Variants in GUCY1A2 observed in about 807,000 individuals in gnomAD.
GUCY1A2 encodes the protein guanylate cyclase soluble subunit alpha-2.
In GUCY1A2, 27 loss-of-function variants were observed where a neutral mutation model predicts 63.5. The ratio of observed to expected loss-of-function variants is 0.43; its 90% CI spans 0.31 to 0.59. The LOEUF (loss-of-function observed/expected upper bound fraction) is 0.59, where lower values mean the gene tolerates loss of function less well. GUCY1A2 is among the 20% of genes least tolerant of loss of function. GUCY1A2 has a pLI of 0.11. For synonymous variants in GUCY1A2, 364 were observed against 343.5 expected (o/e 1.06, Z -0.66); for missense variants, 768 against 913.3 (o/e 0.84, Z 2.05).
intron 1 of GUCY1A2, among the ~76,000 whole-genome samples, chr11:107,011,997 A>C (rs1861752742): frequency 6.6e-6 from 1 of 152,112 alleles, no homozygotes; most frequent in South Asian, 2.1e-4. Flanking sequence ...TTTCACCTAC[A>C]ATTTTTCTAA....
intron 1 of GUCY1A2, among the ~76,000 whole-genome samples, chr11:106,997,625 C>T (rs993704733): frequency 7.1e-6 from 1 of 140,806 alleles, no homozygotes; most frequent in East Asian, 2.3e-4. Context: ...GAACCCCCCC[C>T]CCCCACCCGA....
At chr11:107,001,229 A>G (rs1436337428) in intron 1 of GUCY1A2, among the ~76,000 whole-genome samples, 4 of 152,228 alleles carry the variant, frequency 2.6e-5, no homozygotes, top group African/African-American at 7.2e-5. Context: ...ATATAGAATT[A>G]TAAGTATTTT....
chr11:106,889,518 A>C (rs1396930307), intron 4 of GUCY1A2, among the ~76,000 whole-genome samples: 2 of 152,226 alleles, frequency 1.3e-5, no homozygotes, highest in African/African-American at 4.8e-5. Context: ...ACAGCAAGGA[A>C]AAATCCAGTG....
At chr11:106,802,253 T>C (rs1858614458) in intron 5 of GUCY1A2, among the ~76,000 whole-genome samples, 1 of 152,146 alleles carries the variant, frequency 6.6e-6, no homozygotes. Flanking sequence ...ATGTATAAAC[T>C]AAAGGCAAGT....
At chr11:106,764,595 T>G (rs1192732997) in intron 6 of GUCY1A2, among the ~76,000 whole-genome samples, 2 of 152,090 alleles carry the variant, frequency 1.3e-5, no homozygotes, top group Non-Finnish European at 2.9e-5. Flanking sequence ...ATGCCTAAAA[T>G]ATACACATAC....
At chr11:106,881,369 G>A (rs1226944853) in intron 4 of GUCY1A2, among the ~76,000 whole-genome samples, 3 of 151,984 alleles carry the variant, frequency 2.0e-5, no homozygotes, top group Non-Finnish European at 4.4e-5. Flanking sequence ...CTGACTTCAT[G>A]AATTATTATA....
intron 6 of GUCY1A2, among the ~76,000 whole-genome samples, chr11:106,771,555 TTGGGC>T (rs1864254793): frequency 6.6e-6 from 1 of 152,114 alleles, no homozygotes; most frequent in African/African-American, 2.4e-5. Flanking sequence ...CACGACCAGC[TTGGGC>T]AACATAGAGA....
At chr11:107,004,783 A>G (rs1160193657) in intron 1 of GUCY1A2, among the ~76,000 whole-genome samples, 1 of 152,188 alleles carries the variant, frequency 6.6e-6, no homozygotes, top group Admixed American at 6.5e-5. Context: ...GCTGAAAACT[A>G]AGGAAGAGCC....
chr11:106,856,926 C>T, intron 4 of GUCY1A2, among the ~76,000 whole-genome samples: 1 of 152,184 alleles, frequency 6.6e-6, no homozygotes, highest in Non-Finnish European at 1.5e-5. Flanking sequence ...ATACTAGTCC[C>T]CATAGTGCTT....
chr11:106,953,484 T>C (rs567387940), intron 3 of GUCY1A2, among the ~76,000 whole-genome samples: 1 of 152,330 alleles, frequency 6.6e-6, no homozygotes, highest in East Asian at 1.9e-4. Context: ...TGAAGTTTTC[T>C]TTTTTGTGTG....
intron 1 of GUCY1A2, among the ~76,000 whole-genome samples, chr11:106,997,653 G>A (rs1861558669): frequency 8.3e-6 from 1 of 120,564 alleles, no homozygotes; most frequent in Non-Finnish European, 1.6e-5. Flanking sequence ...TATATATTAA[G>A]GTTAGACCTC....
At chr11:106,863,622 C>G (rs528195642) in intron 4 of GUCY1A2, among the ~76,000 whole-genome samples, 1 of 151,692 alleles carries the variant, frequency 6.6e-6, no homozygotes, top group Admixed American at 6.6e-5. Context: ...TATATGGGCT[C>G]TTTCTTGGTT....
At chr11:106,962,789 TAA>T (rs898233041) in intron 3 of GUCY1A2, among the ~76,000 whole-genome samples, 1 of 148,528 alleles carries the variant, frequency 6.7e-6, no homozygotes, top group African/African-American at 2.5e-5. Context: ...TATATATATA[TAA>T]AATATATATA....
chr11:106,769,842 C>A, intron 6 of GUCY1A2, among the ~76,000 whole-genome samples: 1 of 151,722 alleles, frequency 6.6e-6, no homozygotes. Context: ...TTTTCTGACC[C>A]CTTAGGTTTT....
intron 4 of GUCY1A2, among the ~76,000 whole-genome samples, chr11:106,830,719 T>C (rs1940387): frequency 0.83 from 125,731 of 152,134 alleles, 52,517 homozygotes; most frequent in East Asian, 0.99. Context: ...ACCTTATGAT[T>C]GTGTGAGTTA....
chr11:106,983,895 A>G (rs371742168), intron 2 of GUCY1A2, among the ~76,000 whole-genome samples: 3 of 152,198 alleles, frequency 2.0e-5, no homozygotes, highest in South Asian at 2.1e-4. Flanking sequence ...TCACAATTAG[A>G]GATAGGAAGC....
In GUCY1A2 at chr11:106,686,239, G is replaced by A; in HGVS notation, c.*1310C>T. On this transcript the variant is annotated 3_prime_UTR_variant, in exon 8 of 8. Coordinates refer to ENST00000526355, the MANE Select transcript of GUCY1A2 (RefSeq NM_000855.3). Reference sequence around the variant, plus strand: ...ATATTTTCATGCAGTATTGATTAATGAGAACAGGTCTTCATTTGAGCAGGA... The same window carrying A: ...ATATTTTCATGCAGTATTGATTAATAAGAACAGGTCTTCATTTGAGCAGGA... 4.6e-6 allele frequency: 1 copy of A among 218,264 alleles called. No homozygotes were observed. The highest frequency in any genetic ancestry group is 9.2e-6 in the Non-Finnish European group (1 of 108,622). The allele number at this position is 218,264 out of a possible 1,614,324, so 13.5% of individuals were successfully genotyped here.
At chr11:106,745,295 G>A (rs1863767982) in intron 6 of GUCY1A2, among the ~76,000 whole-genome samples, 1 of 152,146 alleles carries the variant, frequency 6.6e-6, no homozygotes, top group South Asian at 2.1e-4. Flanking sequence ...AGTGACATGT[G>A]TGAATGGACA....
intron 4 of GUCY1A2, among the ~76,000 whole-genome samples, chr11:106,898,144 A>G (rs953996446): frequency 1.3e-5 from 2 of 152,200 alleles, no homozygotes; most frequent in Non-Finnish European, 2.9e-5. Flanking sequence ...AAACAATGAG[A>G]TACCACTACA....
Sources: allele counts gnomAD v4.1 joint callset (sites outside exome capture counted in the v4.1 genomes callset), GRCh38; gene constraint gnomAD v4.1.1; transcripts MANE v1.5; gene names NCBI Gene and HGNC (gene_info 2026-07-23, HGNC 2026-07-21).